Variants in NKAIN2 observed in about 807,000 individuals in gnomAD.
NKAIN2 encodes the protein sodium/potassium transporting ATPase interacting 2.
Under a neutral mutation model 32.6 loss-of-function variants are expected in NKAIN2, and 14 were observed. That is an observed-to-expected ratio of 0.43 (90% CI 0.28 to 0.67). NKAIN2 has a LOEUF of 0.67. NKAIN2 is among the 30% of genes least tolerant of loss of function. NKAIN2 has a pLI of 0.17. For synonymous variants in NKAIN2, 80 were observed against 87.2 expected, an observed-to-expected ratio of 0.92 and a Z score of 0.46; for missense variants, 198 against 258.3, an observed-to-expected ratio of 0.77 and a Z score of 1.60.
At chr6:124,251,457 A>T (rs1342790888) in intron 1 of NKAIN2, among the ~76,000 whole-genome samples, 1 of 152,052 alleles carries the variant, frequency 6.6e-6, no homozygotes, top group Non-Finnish European at 1.5e-5. Flanking sequence ...ACCACAACAA[A>T]AAGATTAATT....
intron 1 of NKAIN2, among the ~76,000 whole-genome samples, chr6:124,148,514 G>GTTTT (rs916717866): frequency 4.6e-5 from 7 of 151,774 alleles, no homozygotes; most frequent in African/African-American, 1.7e-4. Context: ...GTGGTCTTTA[G>GTTTT]TTTTTGTTTT....
At chr6:124,439,873 C>T (rs564800968) in intron 3 of NKAIN2, among the ~76,000 whole-genome samples, 3 of 152,082 alleles carry the variant, frequency 2.0e-5, no homozygotes, top group Non-Finnish European at 4.4e-5. Flanking sequence ...CTTCCTCTCT[C>T]GACTCATCTC....
chr6:124,347,455 G>T (rs62434717), intron 2 of NKAIN2, among the ~76,000 whole-genome samples: 2 of 152,108 alleles, frequency 1.3e-5, no homozygotes, highest in Non-Finnish European at 2.9e-5. Context: ...CATTCTCCCC[G>T]TCAGTTTCAG....
chr6:123,868,818 A>G (rs1772719252), intron 1 of NKAIN2, among the ~76,000 whole-genome samples: 1 of 152,174 alleles, frequency 6.6e-6, no homozygotes, highest in Admixed American at 6.5e-5. Context: ...AACTCTGCAT[A>G]ATATTAGGAA....
Position 124,441,882 on chromosome 6 carries a change from A to G in NKAIN2, c.273+86535A>G, listed in dbSNP as rs574291421. On this transcript the variant is annotated intron_variant, in intron 3 of 6. Transcript: ENST00000368417. ...ATGTTCCTTCAAGGGATAGTGCTAT[A>G]TTGGGTGCTAAGTATTTTCTATTCT... 2.0e-5 allele frequency among the ~76,000 whole-genome samples: 3 copies of G among 152,062 alleles called. No homozygotes were observed. The East Asian group carries it at 5.8e-4, about 30-fold the overall frequency.
intron 3 of NKAIN2, among the ~76,000 whole-genome samples, chr6:124,486,654 C>G (rs717514): frequency 3.7e-4 from 57 of 152,240 alleles, no homozygotes; most frequent in Admixed American, 2.0e-3. Flanking sequence ...CAGTAAGTTT[C>G]TGTTTGAAAG....
At chr6:123,836,439 C>T (rs1174070997) in intron 1 of NKAIN2, among the ~76,000 whole-genome samples, 1 of 151,850 alleles carries the variant, frequency 6.6e-6, no homozygotes, top group Non-Finnish European at 1.5e-5. Flanking sequence ...GGCATTCTTC[C>T]CCAAAATCTA....
intron 6 of NKAIN2, among the ~76,000 whole-genome samples, chr6:124,819,595 C>T (rs1156512997): frequency 4.6e-5 from 7 of 152,130 alleles, no homozygotes; most frequent in African/African-American, 1.4e-4. Context: ...TTAAGTTTTT[C>T]GGTCTCTTCC....
At chr6:123,983,744 TA>T (rs1466134443) in intron 1 of NKAIN2, among the ~76,000 whole-genome samples, 5 of 79,842 alleles carry the variant, frequency 6.3e-5, no homozygotes, top group South Asian at 6.0e-4. Flanking sequence ...TATATATATA[TA>T]TTTTTTTTTT....
intron 3 of NKAIN2, among the ~76,000 whole-genome samples, chr6:124,528,202 T>C (rs562678839): frequency 1.3e-5 from 2 of 152,286 alleles, no homozygotes; most frequent in African/African-American, 2.4e-5. Context: ...GGAGTACCAA[T>C]GGGATTGAAA....
chr6:124,269,339 A>G (rs2114870649), intron 1 of NKAIN2, among the ~76,000 whole-genome samples: 1 of 152,286 alleles, frequency 6.6e-6, no homozygotes, highest in East Asian at 1.9e-4. Context: ...TATTTACCAT[A>G]CCAGAAATAG....
intron 3 of NKAIN2, among the ~76,000 whole-genome samples, chr6:124,554,515 C>A (rs1405764403): frequency 6.6e-6 from 1 of 152,200 alleles, no homozygotes; most frequent in Non-Finnish European, 1.5e-5. Flanking sequence ...ATTTCTTCCA[C>A]CGGAAATGAG....
intron 1 of NKAIN2, among the ~76,000 whole-genome samples, chr6:124,275,300 A>G (rs537692794): frequency 1.9e-3 from 286 of 152,078 alleles, no homozygotes; most frequent in African/African-American, 6.2e-3. Flanking sequence ...AAACTTACTG[A>G]TTTAACTTCA....
At chr6:123,837,287 C>A (rs922918729) in intron 1 of NKAIN2, among the ~76,000 whole-genome samples, 2 of 151,812 alleles carry the variant, frequency 1.3e-5, no homozygotes, top group African/African-American at 4.8e-5. Context: ...TGTAAGCAAA[C>A]CTGCTATGTC....
rs774745929 is a variant in NKAIN2 at position 124,267,762 on chromosome 6, C to G, written c.55-15243C>G. Among the ~76,000 whole-genome samples, 3 of 152,194 alleles carry G rather than the reference C, an allele frequency of 2.0e-5. No homozygotes were observed. The South Asian group carries it at 6.2e-4, about 32-fold the overall frequency. On this transcript the variant is annotated intron_variant, in intron 1 of 6. Coordinates refer to ENST00000368417, the MANE Select transcript of NKAIN2 (RefSeq NM_001040214.3). The stretch of plus-strand genomic sequence containing the variant: ...TTACTTTAATTCAAATTATAAAATA[C>G]TCTTGATATAGAATTAAGGACTCAT...
intron 1 of NKAIN2, among the ~76,000 whole-genome samples, chr6:123,924,189 T>C (rs1397311398): frequency 6.6e-6 from 1 of 152,210 alleles, no homozygotes; most frequent in African/African-American, 2.4e-5. Context: ...GTAGGTGATA[T>C]CACTTCTGAG....
At chr6:124,497,725 T>C (rs1778115430) in intron 3 of NKAIN2, among the ~76,000 whole-genome samples, 1 of 150,678 alleles carries the variant, frequency 6.6e-6, no homozygotes, top group South Asian at 2.1e-4. Flanking sequence ...GCCTCAAAGC[T>C]TACATAAAAA....
At chr6:124,505,282 T>C (rs2114758104) in intron 3 of NKAIN2, among the ~76,000 whole-genome samples, 1 of 152,340 alleles carries the variant, frequency 6.6e-6, no homozygotes, top group East Asian at 1.9e-4. Context: ...TACTCTCCTT[T>C]ATATCACTTT....
At chr6:123,987,864 A>G (rs1355189624) in intron 1 of NKAIN2, among the ~76,000 whole-genome samples, 1 of 152,158 alleles carries the variant, frequency 6.6e-6, no homozygotes, top group African/African-American at 2.4e-5. Context: ...CACAGAACTT[A>G]ATCATGGGAG....
Sources: allele counts gnomAD v4.1 joint callset (sites outside exome capture counted in the v4.1 genomes callset), GRCh38; gene constraint gnomAD v4.1.1; transcripts MANE v1.5; gene names NCBI Gene and HGNC (gene_info 2026-07-23, HGNC 2026-07-21).